The following NR5A2 variants were observed in gnomAD, a reference collection of about 807,000 sequenced individuals.
NR5A2 encodes the protein nuclear receptor subfamily 5 group A member 2, also known as CYP7A promoter-binding factor.
A neutral mutation model predicts 62.7 loss-of-function variants in NR5A2; 26 were observed. The observed-to-expected ratio is 0.41, with a 90% CI of 0.30 to 0.58. NR5A2 has a LOEUF of 0.58. Ranked by LOEUF, NR5A2 falls within the 20% of genes least tolerant of loss-of-function variation. The pLI is 0.22. For synonymous variants in NR5A2, 246 were observed against 241.7 expected, an observed-to-expected ratio of 1.02 and a Z score of -0.16; for missense variants, 541 against 669.1, an observed-to-expected ratio of 0.81 and a Z score of 2.11.
chr1:200,149,654 G>A (rs1365788423), intron 7 of NR5A2, among the ~76,000 whole-genome samples: 1 of 152,106 alleles, frequency 6.6e-6, no homozygotes, highest in South Asian at 2.1e-4. Flanking sequence ...AATTGTAGGC[G>A]GTAATAGCAC....
intron 5 of NR5A2, among the ~76,000 whole-genome samples, chr1:200,095,176 G>T (rs1665027108): frequency 6.6e-6 from 1 of 151,546 alleles, no homozygotes; most frequent in Non-Finnish European, 1.5e-5. Context: ...GAGTGCAGTG[G>T]TATACTCATA....
At chr1:200,124,883 C>T (rs754295880) in intron 7 of NR5A2, among the ~76,000 whole-genome samples, 4 of 151,978 alleles carry the variant, frequency 2.6e-5, no homozygotes, top group Admixed American at 6.6e-5. Context: ...GCCTGGGCAA[C>T]GGATTAAGAT....
chr1:200,093,187 A>G (rs955545430), intron 5 of NR5A2, among the ~76,000 whole-genome samples: 12 of 152,082 alleles, frequency 7.9e-5, no homozygotes, highest in South Asian at 2.1e-4. Flanking sequence ...TACAGGCATG[A>G]GCCACCACAC....
At chr1:200,170,734 ATG>A (rs748195264) in intron 7 of NR5A2, among the ~76,000 whole-genome samples, 3 of 152,220 alleles carry the variant, frequency 2.0e-5, no homozygotes, top group East Asian at 3.8e-4. Flanking sequence ...TTTGCAAAAC[ATG>A]TAAATTAGAA....
At chr1:200,099,960 C>T (rs1571473947) in intron 5 of NR5A2, among the ~76,000 whole-genome samples, 1 of 152,208 alleles carries the variant, frequency 6.6e-6, no homozygotes, top group East Asian at 1.9e-4. Context: ...ATGAGAATTA[C>T]AAACATAACC....
chr1:200,158,899 T>TGC (rs373877156), intron 7 of NR5A2, among the ~76,000 whole-genome samples: 21 of 121,992 alleles, frequency 1.7e-4, no homozygotes, highest in South Asian at 2.4e-4. Context: ...ATATGTTTGA[T>TGC]TCTTTTTTTT....
At chr1:200,038,858 G>C in intron 1 of NR5A2, 1 of 874,216 alleles carries the variant, frequency 1.1e-6, no homozygotes, top group East Asian at 7.5e-5. Flanking sequence ...GTTGGGGCAG[G>C]CCGGGGGACT....
rs1188887185 is a variant in NR5A2, at chr1:200,174,164, C to G, written c.1580C>G (p.Pro527Arg). Residue 527 changes from proline (P) to arginine (R), a missense_variant, in exon 8 of 8, where the codon CCC becomes CGC. This residue lies in a region of NR5A2 where 379 missense variants were observed against 442.0 expected (regional missense o/e 0.86). Coordinates refer to ENST00000367362, the MANE Select transcript of NR5A2 (RefSeq NM_205860.3). Reference protein sequence around the residue: ...LYYKHLNGDVPYNNLLIEMLH... With the variant: ...LYYKHLNGDVRYNNLLIEMLH... ...TACAAGCACCTGAACGGGGATGTGC[C>G]CTATAATAACCTTCTCATTGAAATG... 1 of 1,611,254 alleles carries G rather than the reference C, an allele frequency of 6.2e-7. No homozygotes were observed. Among genetic ancestry groups the G allele is most frequent in the Non-Finnish European group, 8.5e-7 (1 of 1,178,452 alleles).
chr1:200,081,232 A>C (rs1664278215), intron 5 of NR5A2, among the ~76,000 whole-genome samples: 1 of 152,194 alleles, frequency 6.6e-6, no homozygotes, highest in Admixed American at 6.5e-5. Context: ...GTCCCAAACC[A>C]CACAGGCATG....
At chr1:200,123,706 A>G (rs189373481) in intron 7 of NR5A2, among the ~76,000 whole-genome samples, 2 of 151,948 alleles carry the variant, frequency 1.3e-5, no homozygotes, top group East Asian at 3.9e-4. Context: ...GAACAGTGCT[A>G]GAAACCCTGT....
rs542569657 is a variant in NR5A2, at chr1:200,049,528, A to C, written c.1110+710A>C. The stretch of plus-strand genomic sequence containing the variant: ...TTGTTTGTATAGGGATCTATGTTTA[A>C]ATTAATAATTATTTTATTTCCTGAA... On this transcript the variant is annotated intron_variant, in intron 5 of 7. Coordinates refer to ENST00000367362, the MANE Select transcript of NR5A2 (RefSeq NM_205860.3). Among the ~76,000 whole-genome samples, 189 of 152,310 alleles carry C rather than the reference A, an allele frequency of 1.2e-3. 1 individual carries two copies. Among genetic ancestry groups the C allele is most frequent in the African/African-American group, 4.4e-3 (184 of 41,576 alleles).
At chr1:200,107,471 G>A (rs1025408982) in intron 5 of NR5A2, among the ~76,000 whole-genome samples, 2 of 152,132 alleles carry the variant, frequency 1.3e-5, no homozygotes, top group Non-Finnish European at 2.9e-5. Flanking sequence ...ACAGGATAAT[G>A]TGAACAGCAC....
chr1:200,074,756 A>AAAAAAAAAAAAAAAAAAAC (rs1304164782), intron 5 of NR5A2, among the ~76,000 whole-genome samples: 3 of 137,692 alleles, frequency 2.2e-5, no homozygotes, highest in South Asian at 2.5e-4. Context: ...AAAAAAAAAA[A>AAAAAAAAAAAAAAAAAAAC]CACGAGAGAA....
At chr1:200,066,588 C>CTTTTTTTT (rs756874909) in intron 5 of NR5A2, among the ~76,000 whole-genome samples, 8,264 of 112,398 alleles carry the variant, frequency 0.074, 1,276 homozygotes, top group African/African-American at 0.19. Flanking sequence ...AATTAATTAT[C>CTTTTTTTT]TTTTTTTTTT....
intron 7 of NR5A2, among the ~76,000 whole-genome samples, chr1:200,141,134 G>C (rs541124968): frequency 1.9e-3 from 284 of 152,228 alleles, no homozygotes; most frequent in Non-Finnish European, 3.1e-3. Context: ...AAATGCACTC[G>C]TTTGTGTGTT....
intron 7 of NR5A2, among the ~76,000 whole-genome samples, chr1:200,146,056 A>G (rs1667685848): frequency 6.6e-6 from 1 of 152,224 alleles, no homozygotes; most frequent in Non-Finnish European, 1.5e-5. Context: ...AATAAAAATT[A>G]AAATGTAAAT....
At chr1:200,045,185 A>C (rs1415258773) in intron 3 of NR5A2, among the ~76,000 whole-genome samples, 1 of 152,162 alleles carries the variant, frequency 6.6e-6, no homozygotes, top group Non-Finnish European at 1.5e-5. Context: ...GACTGTTGGG[A>C]TAAAATGGTG....
chr1:200,110,356 T>A (rs778275755), intron 5 of NR5A2, among the ~76,000 whole-genome samples: 14 of 152,236 alleles, frequency 9.2e-5, no homozygotes, highest in East Asian at 1.9e-4. Flanking sequence ...ATAAATATGC[T>A]GTCCATATTT....
At chr1:200,070,026 G>A (rs1179642230) in intron 5 of NR5A2, among the ~76,000 whole-genome samples, 2 of 150,898 alleles carry the variant, frequency 1.3e-5, no homozygotes, top group African/African-American at 4.9e-5. Flanking sequence ...TTTTTAAGTC[G>A]TCTTTATTCA....
Sources: gnomAD v4.1 joint callset for allele counts (sites outside exome capture counted in the v4.1 genomes callset) on GRCh38, gnomAD v4.1.1 for gene constraint, gnomAD v4.1.1 regional missense constraint, MANE v1.5 for transcripts, NCBI Gene and HGNC (gene_info 2026-07-23, HGNC 2026-07-21) for gene names.